The following ATF7IP variants were observed in gnomAD, a reference collection of about 807,000 sequenced individuals.
ATF7IP encodes the protein activating transcription factor 7 interacting protein, also known as activating transcription factor 7-interacting protein 1.
Under a neutral mutation model 106.4 loss-of-function variants are expected in ATF7IP, and 23 were observed. The ratio of observed to expected loss-of-function variants is 0.22; its 90% CI spans 0.16 to 0.31. ATF7IP has a LOEUF of 0.31. Among genes scored for constraint, ATF7IP ranks in the 10% least tolerant of loss-of-function variants. The pLI is 1.00. For missense variants in ATF7IP, 1,334 were observed against 1,524.3 expected, an observed-to-expected ratio of 0.88 and a Z score of 2.08; for synonymous variants, 542 against 539.0, an observed-to-expected ratio of 1.01 and a Z score of -0.08.
chr12:14,372,716 G>C (rs567424255), intron 1 of ATF7IP, among the ~76,000 whole-genome samples: 6 of 152,212 alleles, frequency 3.9e-5, no homozygotes, highest in African/African-American at 1.4e-4. Context: ...TTGTATGATG[G>C]TGATGTGAGG....
In ATF7IP at chr12:14,498,079, G is replaced by A. The variant is rs1299739014; in HGVS notation, c.*6G>A. ...CTTCTACCCAGAGCAGTTAAACCTTGGAGCCTTTATATTTTCCTCTTTTAA... is the reference window on the plus strand; with the variant it reads ...CTTCTACCCAGAGCAGTTAAACCTTAGAGCCTTTATATTTTCCTCTTTTAA... On this transcript the variant is annotated 3_prime_UTR_variant, in exon 15 of 15. Transcript: ENST00000261168. The A allele has an allele frequency of 6.4e-7, 1 of 1,553,402 alleles. No homozygotes were observed. The highest frequency in any genetic ancestry group is 2.0e-5 in the Admixed American group (1 of 50,754).
At chr12:14,459,829 A>C (rs953618312) in intron 8 of ATF7IP, among the ~76,000 whole-genome samples, 1 of 152,174 alleles carries the variant, frequency 6.6e-6, no homozygotes, top group East Asian at 1.9e-4. Flanking sequence ...AGTGACCAGC[A>C]TTTGTATTTT....
chr12:14,451,653 A>T (rs1943207793), intron 6 of ATF7IP, among the ~76,000 whole-genome samples: 1 of 150,868 alleles, frequency 6.6e-6, no homozygotes, highest in South Asian at 2.1e-4. Flanking sequence ...TAATTTTCAC[A>T]TATTTGTGAC....
chr12:14,493,446 A>C (rs4548679), intron 13 of ATF7IP, among the ~76,000 whole-genome samples: 152,070 of 152,256 alleles, frequency 1, 75,943 homozygotes, highest in Non-Finnish European at 1. Flanking sequence ...ATTGTCTTGC[A>C]TGGCAACTGC....
chr12:14,418,614 A>G (rs1021240154), intron 1 of ATF7IP, among the ~76,000 whole-genome samples: 1 of 152,228 alleles, frequency 6.6e-6, no homozygotes, highest in African/African-American at 2.4e-5. Context: ...TTTCTCAAAT[A>G]TGCTTCGCTA....
intron 10 of ATF7IP, among the ~76,000 whole-genome samples, chr12:14,467,469 T>C (rs531052828): frequency 2.6e-5 from 4 of 152,300 alleles, no homozygotes; most frequent in African/African-American, 9.6e-5. Context: ...TTGTGTGCAG[T>C]ATTAGAGATC....
chr12:14,381,554 C>T (rs768145652), intron 1 of ATF7IP, among the ~76,000 whole-genome samples: 10 of 152,020 alleles, frequency 6.6e-5, no homozygotes, highest in Non-Finnish European at 1.3e-4. Context: ...TTTCAGCTTC[C>T]CAAATCTTAG....
At position 14,404,723 on chromosome 12, in the gene ATF7IP, A is replaced by G. The variant is rs1940459937; in HGVS notation, c.-7-19186A>G. On this transcript the variant is annotated intron_variant, in intron 1 of 14. Coordinates refer to ENST00000261168, the MANE Select transcript of ATF7IP (RefSeq NM_018179.5). ...AAATTTAAATTCTGTAATTTATTAAAAAATGTACAACTTAGTAACAAACAC... is the reference window on the plus strand; with the variant it reads ...AAATTTAAATTCTGTAATTTATTAAGAAATGTACAACTTAGTAACAAACAC... Among the ~76,000 whole-genome samples, 4 of 152,208 alleles carry G rather than the reference A, an allele frequency of 2.6e-5. No individual in the cohort carries two copies. The South Asian group carries it at 8.3e-4, about 31-fold the overall frequency.
intron 6 of ATF7IP, among the ~76,000 whole-genome samples, chr12:14,452,291 C>T (rs1332159628): frequency 4.6e-5 from 7 of 152,154 alleles, no homozygotes; most frequent in Admixed American, 2.6e-4. Context: ...TTTTAAAAAA[C>T]ATTAAGTCAA....
chr12:14,390,490 G>A (rs954812442), intron 1 of ATF7IP, among the ~76,000 whole-genome samples: 4 of 152,154 alleles, frequency 2.6e-5, no homozygotes, highest in Admixed American at 2.0e-4. Flanking sequence ...AAATGTTACC[G>A]CTGTGTTAAA....
At position 14,466,432 on chromosome 12, in the gene ATF7IP, A is replaced by C. The variant is rs1329063467; in HGVS notation, c.2798-94A>C. The C allele has an allele frequency of 3.1e-6, 3 of 961,808 alleles. No individual in the cohort carries two copies. In the East Asian group the frequency reaches 7.3e-5, roughly 23 times the overall value. The allele number at this position is 961,808 out of a possible 1,614,324, so 59.6% of individuals were successfully genotyped here. ...GTATGTGACATGTTGACGGAAAAGT[A>C]GTTGGAGAAAACTACATGAATTGTT... On this transcript the variant is annotated intron_variant, in intron 9 of 14. Coordinates refer to ENST00000261168, the MANE Select transcript of ATF7IP (RefSeq NM_018179.5).
chr12:14,367,166 C>T (rs1938339152), intron 1 of ATF7IP, among the ~76,000 whole-genome samples: 1 of 152,082 alleles, frequency 6.6e-6, no homozygotes, highest in African/African-American at 2.4e-5. Flanking sequence ...TTGGTTATAA[C>T]TCTTTAAGTT....
chr12:14,473,508 G>T (rs1327132798), intron 10 of ATF7IP, among the ~76,000 whole-genome samples: 1 of 151,974 alleles, frequency 6.6e-6, no homozygotes, highest in Non-Finnish European at 1.5e-5. Flanking sequence ...TCTTCATGTT[G>T]TAGATCTCTA....
intron 1 of ATF7IP, among the ~76,000 whole-genome samples, chr12:14,402,249 T>C (rs1234525883): frequency 6.7e-6 from 1 of 149,284 alleles, no homozygotes; most frequent in East Asian, 2.1e-4. Context: ...CACCACAGCC[T>C]CCCAGGGAGC....
At chr12:14,479,313 C>T (rs779697435) in intron 12 of ATF7IP, among the ~76,000 whole-genome samples, 5 of 152,126 alleles carry the variant, frequency 3.3e-5, no homozygotes, top group Non-Finnish European at 7.4e-5. Context: ...CTAACACTAC[C>T]ACCAGGAATC....
At chr12:14,411,142 C>T (rs1257312819) in intron 1 of ATF7IP, among the ~76,000 whole-genome samples, 1 of 152,116 alleles carries the variant, frequency 6.6e-6, no homozygotes, top group Non-Finnish European at 1.5e-5. Flanking sequence ...TGGGTATATA[C>T]CTAGGAATGG....
intron 5 of ATF7IP, among the ~76,000 whole-genome samples, chr12:14,438,836 A>C (rs561014729): frequency 9.3e-4 from 142 of 152,308 alleles, no homozygotes; most frequent in African/African-American, 3.4e-3. Context: ...TAGGGGACAC[A>C]GTTCAAACCA....
In ATF7IP at chr12:14,424,530, C is replaced by T. The variant is rs1161657444; in HGVS notation, c.615C>T (p.Thr205=). 1.9e-6 allele frequency: 3 copies of T among 1,614,178 alleles called. No homozygotes were observed. In the Admixed American group the frequency reaches 5.0e-5, roughly 27 times the overall value. The change falls in exon 2 of 15, where the codon ACC becomes ACT. Residue 205 remains threonine (T), a synonymous_variant. Coordinates refer to ENST00000261168, the MANE Select transcript of ATF7IP (RefSeq NM_018179.5). The part of the protein sequence containing the change: ...TADDLSSGDP[T]SSDPIPGEPV... ...ATGATCTCTCCTCTGGTGATCCCAC[C>T]TCTAGTGATCCCATCCCAGGTGAAC...
At chr12:14,438,052 C>CA (rs1010365489) in intron 4 of ATF7IP, 78 bp from the exon 5 acceptor site, 1,387 of 1,335,672 alleles carry the variant, frequency 1.0e-3, no homozygotes, top group African/African-American at 2.1e-3. Context: ...GACTCTGTCT[C>CA]AAAAAAAAAG....
Sources: gnomAD v4.1 joint callset for allele counts (sites outside exome capture counted in the v4.1 genomes callset) on GRCh38, gnomAD v4.1.1 for gene constraint, MANE v1.5 for transcripts, NCBI Gene and HGNC (gene_info 2026-07-23, HGNC 2026-07-21) for gene names.